The following LRRTM4 variants were observed in gnomAD, a reference collection of about 807,000 sequenced individuals.
LRRTM4 encodes leucine-rich repeat transmembrane neuronal protein 4.
A neutral mutation model predicts 47.6 loss-of-function variants in LRRTM4; 25 were observed. That is an observed-to-expected ratio of 0.53 (90% CI 0.38 to 0.73). LRRTM4 has a LOEUF of 0.73. Among genes scored for constraint, LRRTM4 ranks in the 30% least tolerant of loss-of-function variants. The pLI, the probability that LRRTM4 is intolerant of heterozygous loss-of-function variation, is 0.00. For synonymous variants in LRRTM4, 311 were observed against 269.5 expected, an observed-to-expected ratio of 1.15 and a Z score of -1.51; for missense variants, 638 against 713.4, an observed-to-expected ratio of 0.89 and a Z score of 1.20.
At chr2:77,354,333 T>A (rs1671892502) in intron 3 of LRRTM4, among the ~76,000 whole-genome samples, 1 of 151,536 alleles carries the variant, frequency 6.6e-6, no homozygotes, top group Non-Finnish European at 1.5e-5. Context: ...CATATCCAGA[T>A]AAGTGGTTCT....
At chr2:76,905,089 G>A (rs1176563961) in intron 3 of LRRTM4, among the ~76,000 whole-genome samples, 1 of 152,096 alleles carries the variant, frequency 6.6e-6, no homozygotes, top group African/African-American at 2.4e-5. Flanking sequence ...GCCTAACTAG[G>A]AGGCACCCCC....
chr2:77,189,502 G>A (rs1461204375), intron 3 of LRRTM4, among the ~76,000 whole-genome samples: 1 of 152,158 alleles, frequency 6.6e-6, no homozygotes, highest in Non-Finnish European at 1.5e-5. Context: ...GAGCCCTTAT[G>A]AGTGGGATTA....
intron 3 of LRRTM4, among the ~76,000 whole-genome samples, chr2:76,932,263 C>T (rs954133488): frequency 3.9e-5 from 6 of 152,032 alleles, no homozygotes; most frequent in African/African-American, 1.2e-4. Context: ...GTAAAATTTG[C>T]TTATGTGTAC....
At chr2:77,038,218 C>G (rs756635069) in intron 3 of LRRTM4, among the ~76,000 whole-genome samples, 12 of 151,420 alleles carry the variant, frequency 7.9e-5, no homozygotes, top group Non-Finnish European at 1.8e-4. Context: ...CTTTACAAAT[C>G]ATTTAAAAAG....
At chr2:77,378,928 CT>C (rs1284730919) in intron 3 of LRRTM4, among the ~76,000 whole-genome samples, 1 of 152,104 alleles carries the variant, frequency 6.6e-6, no homozygotes, top group African/African-American at 2.4e-5. Flanking sequence ...CTGTTTAACT[CT>C]TCCTTTTGTC....
intron 3 of LRRTM4, among the ~76,000 whole-genome samples, chr2:77,230,952 G>A (rs960137346): frequency 1.3e-5 from 2 of 152,038 alleles, no homozygotes; most frequent in Non-Finnish European, 2.9e-5. Context: ...ATAAATACAA[G>A]TAGATTTGCC....
At chr2:76,838,714 T>A (rs548557297) in intron 3 of LRRTM4, among the ~76,000 whole-genome samples, 2 of 152,160 alleles carry the variant, frequency 1.3e-5, no homozygotes, top group East Asian at 3.9e-4. Flanking sequence ...TAAAAATGCA[T>A]TTTTAAGAAA....
intron 3 of LRRTM4, among the ~76,000 whole-genome samples, chr2:77,196,156 T>G (rs1429983827): frequency 6.6e-6 from 1 of 152,190 alleles, no homozygotes; most frequent in Non-Finnish European, 1.5e-5. Context: ...GAAGAGAAAT[T>G]TATATGCTTT....
chr2:77,078,251 T>A (rs1680410223), intron 3 of LRRTM4, among the ~76,000 whole-genome samples: 1 of 152,204 alleles, frequency 6.6e-6, no homozygotes, highest in African/African-American at 2.4e-5. Flanking sequence ...CTGGCAATGT[T>A]GAATTTGTTC....
intron 3 of LRRTM4, among the ~76,000 whole-genome samples, chr2:76,794,446 T>C (rs150946345): frequency 1.3e-5 from 2 of 152,338 alleles, no homozygotes; most frequent in Admixed American, 6.5e-5. Context: ...TATTTTGTTA[T>C]AGTTGTGAAC....
intron 3 of LRRTM4, among the ~76,000 whole-genome samples, chr2:77,299,971 C>G (rs1677086881): frequency 6.6e-6 from 1 of 151,394 alleles, no homozygotes; most frequent in African/African-American, 2.4e-5. Context: ...CCTGCCTCAG[C>G]CTGCGGAGTA....
At chr2:76,781,427 C>T (rs995882616) in intron 3 of LRRTM4, among the ~76,000 whole-genome samples, 6 of 152,236 alleles carry the variant, frequency 3.9e-5, no homozygotes, top group South Asian at 4.1e-4. Context: ...TAGGACCCTC[C>T]GAGCCAGGTG....
intron 3 of LRRTM4, among the ~76,000 whole-genome samples, chr2:76,943,901 G>C (rs1260804251): frequency 6.6e-6 from 1 of 152,034 alleles, no homozygotes; most frequent in Non-Finnish European, 1.5e-5. Context: ...TTGTGTATCT[G>C]GCCATATCTT....
At chr2:77,291,250 G>T (rs1057272867) in intron 3 of LRRTM4, among the ~76,000 whole-genome samples, 8 of 151,912 alleles carry the variant, frequency 5.3e-5, no homozygotes, top group African/African-American at 1.9e-4. Flanking sequence ...AATTGTAATA[G>T]AATTGAAACT....
intron 3 of LRRTM4, among the ~76,000 whole-genome samples, chr2:77,048,241 G>T (rs1443753889): frequency 1.3e-5 from 2 of 152,036 alleles, no homozygotes; most frequent in Non-Finnish European, 2.9e-5. Flanking sequence ...GTGTGCATGT[G>T]TGTGTAATGG....
intron 3 of LRRTM4, among the ~76,000 whole-genome samples, chr2:77,361,049 T>C (rs1672188108): frequency 1.3e-5 from 2 of 152,130 alleles, no homozygotes; most frequent in Non-Finnish European, 2.9e-5. Flanking sequence ...CTCACCATCT[T>C]ATTACAGCCT....
At chr2:77,181,397 C>A (rs1673343030) in intron 3 of LRRTM4, among the ~76,000 whole-genome samples, 1 of 152,020 alleles carries the variant, frequency 6.6e-6, no homozygotes, top group Admixed American at 6.6e-5. Flanking sequence ...CAGAGCATTC[C>A]CATCCCAGGT....
chr2:77,267,958 T>C (rs1676092666), intron 3 of LRRTM4, among the ~76,000 whole-genome samples: 1 of 152,152 alleles, frequency 6.6e-6, no homozygotes, highest in South Asian at 2.1e-4. Flanking sequence ...TTTTTTCCTT[T>C]ATACATCTCT....
intron 3 of LRRTM4, among the ~76,000 whole-genome samples, chr2:76,780,833 C>T (rs914749049): frequency 6.6e-6 from 1 of 151,578 alleles, no homozygotes; most frequent in Non-Finnish European, 1.5e-5. Flanking sequence ...AGGAGAGGTG[C>T]TCTGCTTTTC....
Sources: allele counts gnomAD v4.1 joint callset (sites outside exome capture counted in the v4.1 genomes callset), GRCh38; gene constraint gnomAD v4.1.1; transcripts MANE v1.5; gene names NCBI Gene and HGNC (gene_info 2026-07-23, HGNC 2026-07-21).